The following EZH2 variants were observed in gnomAD, a reference collection of about 807,000 sequenced individuals.
EZH2 encodes the protein histone-lysine N-methyltransferase EZH2.
Under a neutral mutation model 98.4 loss-of-function variants are expected in EZH2, and 18 were observed. That is an observed-to-expected ratio of 0.18 (90% confidence interval 0.13 to 0.27). EZH2 has a LOEUF of 0.27. Ranked by LOEUF, EZH2 falls within the 10% of genes least tolerant of loss-of-function variation. The pLI, the probability that EZH2 is intolerant of heterozygous loss-of-function variation, is 1.00. For synonymous variants in EZH2, 338 were observed against 312.3 expected (o/e 1.08, Z -0.87); for missense variants, 470 against 935.1 (o/e 0.50, Z 6.49).
At chr7:148,866,977 G>A (rs1818645709) in intron 1 of EZH2, among the ~76,000 whole-genome samples, 1 of 149,316 alleles carries the variant, frequency 6.7e-6, no homozygotes, top group African/African-American at 2.4e-5. Context: ...GCCTCCCAAA[G>A]TGCTGGGATT....
Position 148,810,249 on chromosome 7 carries a change from C to G in EZH2, c.2029+84G>C, listed in dbSNP as rs1420966821. ...CTCCTTCTGGTCACCTCACTGACCT[C>G]TACCCTCGTTTCTGAACACTCGGCC... On this transcript the variant is annotated intron_variant, in intron 17 of 19. Coordinates refer to ENST00000320356, the MANE Select transcript of EZH2 (RefSeq NM_004456.5). The G allele has an allele frequency of 9.9e-6, 10 of 1,013,138 alleles. No individual in the cohort carries two copies. In the Admixed American group the frequency reaches 1.2e-4, roughly 12 times the overall value. The allele number at this position is 1,013,138 out of a possible 1,614,324, so 62.8% of individuals were successfully genotyped here. A position where few individuals can be genotyped will look rare whatever the true frequency, so the allele number is the denominator to read the frequency against.
chr7:148,818,987 G>A, intron 9 of EZH2: 1 of 453,102 alleles, frequency 2.2e-6, no homozygotes, highest in East Asian at 7.0e-5. Flanking sequence ...CCTTCTGCAG[G>A]TGCCATTCAA....
At chr7:148,843,363 C>T (rs1010378253) in intron 3 of EZH2, among the ~76,000 whole-genome samples, 1 of 151,846 alleles carries the variant, frequency 6.6e-6, no homozygotes, top group Non-Finnish European at 1.5e-5. Context: ...AGAGCAAGAC[C>T]CTGTCACAAA....
In EZH2 at chr7:148,827,148, A is replaced by G; in HGVS notation, c.728+16T>C. 1.2e-6 allele frequency: 2 copies of G among 1,601,678 alleles called. No individual in the cohort carries two copies. Among genetic ancestry groups the G allele is most frequent in the Non-Finnish European group, 1.7e-6 (2 of 1,172,524 alleles). On this transcript the variant is annotated intron_variant, in intron 7 of 19. Coordinates refer to ENST00000320356, the MANE Select transcript of EZH2 (RefSeq NM_004456.5). ...ACCATACAGGGCAAGATTGCCTCAA[A>G]GGAACAAATTCTTACTTTTCCTTTA...
chr7:148,816,776 C>A lies in EZH2; in HGVS notation c.1413G>T (p.Val471=). 1 of 1,612,690 alleles carries A rather than the reference C, an allele frequency of 6.2e-7. No homozygotes were observed. The highest frequency in any genetic ancestry group is 8.5e-7 in the Non-Finnish European group (1 of 1,178,724). ...TAGATTCTTTGACTCTAAACTCATACACCTGACAAGAGGCACAGTCACAGA... is the reference window on the plus strand; with the variant it reads ...TAGATTCTTTGACTCTAAACTCATAAACCTGACAAGAGGCACAGTCACAGA... ...RLIGTKTCRQ[V]YEFRVKESSI... Residue 471 remains valine, a splice_region_variant and synonymous_variant, in exon 12 of 20, where the codon GTG becomes GTT. Coordinates refer to ENST00000320356, the MANE Select transcript of EZH2 (RefSeq NM_004456.5).
At chr7:148,817,764 C>G (rs1804956990) in intron 10 of EZH2, 113 bp downstream of exon 10, 12 of 1,404,734 alleles carry the variant, frequency 8.5e-6, no homozygotes, top group Non-Finnish European at 1.1e-5. Flanking sequence ...TAACTCTGGT[C>G]TTTATACTGA....
chr7:148,835,129 C>G (rs921156027), intron 3 of EZH2, among the ~76,000 whole-genome samples: 6 of 152,170 alleles, frequency 3.9e-5, no homozygotes, highest in African/African-American at 1.4e-4. Flanking sequence ...CTATATAAAA[C>G]AGAGACATGG....
intron 3 of EZH2, among the ~76,000 whole-genome samples, chr7:148,846,058 C>T (rs189601859): frequency 2.0e-5 from 3 of 152,262 alleles, no homozygotes; most frequent in African/African-American, 7.2e-5. Context: ...AGCCTTTGAA[C>T]AAAATATATA....
At chr7:148,840,107 T>C (rs955020422) in intron 3 of EZH2, among the ~76,000 whole-genome samples, 1 of 152,218 alleles carries the variant, frequency 6.6e-6, no homozygotes, top group African/African-American at 2.4e-5. Flanking sequence ...GGGGGTGTAA[T>C]GTAAAACTTT....
At chr7:148,831,429 C>A (rs1220050951) in intron 4 of EZH2, among the ~76,000 whole-genome samples, 1 of 152,112 alleles carries the variant, frequency 6.6e-6, no homozygotes, top group East Asian at 1.9e-4. Context: ...CAATCATATC[C>A]ACATCATCCT....
intron 8 of EZH2, chr7:148,821,047 C>T (rs1176748053): frequency 6.6e-6 from 1 of 152,124 alleles, no homozygotes; most frequent in Non-Finnish European, 1.5e-5. Context: ...GTCTAGCAGG[C>T]TTTCTGGTTT....
intron 1 of EZH2, among the ~76,000 whole-genome samples, chr7:148,870,024 C>T (rs112017249): frequency 0.013 from 1,957 of 152,142 alleles, 42 homozygotes; most frequent in African/African-American, 0.046. Context: ...AGTTTGAGAC[C>T]AGCCTGGGCA....
chr7:148,864,947 T>TA (rs930896808), intron 1 of EZH2, among the ~76,000 whole-genome samples: 6 of 151,840 alleles, frequency 4.0e-5, no homozygotes, highest in African/African-American at 1.5e-4. Flanking sequence ...GCCAACACGG[T>TA]AAAACCCCAT....
chr7:148,876,455 T>G (rs571536226), intron 1 of EZH2, among the ~76,000 whole-genome samples: 4 of 152,290 alleles, frequency 2.6e-5, no homozygotes, highest in Non-Finnish European at 5.9e-5. Flanking sequence ...TGTATGTAAA[T>G]TATACTTCAA....
At chr7:148,851,446 G>C (rs1240444190) in intron 1 of EZH2, among the ~76,000 whole-genome samples, 1 of 152,154 alleles carries the variant, frequency 6.6e-6, no homozygotes, top group Non-Finnish European at 1.5e-5. Context: ...CTGGCATATA[G>C]TGAGCCTTTA....
In EZH2 at chr7:148,817,260, C is replaced by G; in HGVS notation, c.1372G>C (p.Ala458Pro). 1 of 1,613,764 alleles carries G rather than the reference C, an allele frequency of 6.2e-7. No individual in the cohort carries two copies. The highest frequency in any genetic ancestry group is 1.3e-5 in the African/African-American group (1 of 74,986). The change falls in exon 11 of 20, where the codon GCC becomes CCC. Residue 458 changes from alanine to proline, a missense_variant. By Grantham distance (27) the Ala-to-Pro change is conservative. Around this residue, in one of 6 missense-constraint regions of EZH2, gnomAD observed 192 missense variants for 306.8 expected, o/e 0.63. Coordinates refer to ENST00000320356, the MANE Select transcript of EZH2 (RefSeq NM_004456.5). ...TTGGTCCCAATTAACCTAGCAATGG[C>G]ACAGAAATTGTCATAGTAAGTGCCA... is the stretch of plus-strand genomic sequence containing the variant. ...LIGTYYDNFC[A>P]IARLIGTKTC...
chr7:148,843,811 G>A (rs532981385), intron 3 of EZH2, among the ~76,000 whole-genome samples: 73 of 151,704 alleles, frequency 4.8e-4, no homozygotes, highest in Non-Finnish European at 8.4e-4. Flanking sequence ...TAGCCAGGAT[G>A]GTCTCGATCT....
intron 1 of EZH2, among the ~76,000 whole-genome samples, chr7:148,864,929 T>C (rs914125401): frequency 6.6e-6 from 1 of 151,708 alleles, no homozygotes; most frequent in Non-Finnish European, 1.5e-5. Context: ...GAGTTGGAGA[T>C]CAGCCTGGCC....
chr7:148,833,521 C>T (rs1810017521), intron 3 of EZH2, among the ~76,000 whole-genome samples: 1 of 151,994 alleles, frequency 6.6e-6, no homozygotes, highest in Admixed American at 6.6e-5. Flanking sequence ...GTTAATCTTC[C>T]TTATCTTCCT....
Sources: allele counts gnomAD v4.1 joint callset (sites outside exome capture counted in the v4.1 genomes callset), GRCh38; gene constraint gnomAD v4.1.1; regional missense constraint gnomAD v4.1.1; transcripts MANE v1.5; gene names NCBI Gene and HGNC (gene_info 2026-07-23, HGNC 2026-07-21).